Variants in SMC2 observed in about 807,000 individuals in gnomAD.
The protein encoded by SMC2 is structural maintenance of chromosomes protein 2.
In SMC2, 41 loss-of-function variants were observed where a neutral mutation model predicts 142.6. The observed-to-expected ratio is 0.29, with a 90% CI of 0.22 to 0.37. The LOEUF (loss-of-function observed/expected upper bound fraction) is 0.37. Among genes scored for constraint, SMC2 ranks in the 10% least tolerant of loss-of-function variants. The pLI, the probability that SMC2 is intolerant of heterozygous loss-of-function variation, is 1.00. For missense variants in SMC2, 1,265 were observed against 1,373.7 expected (o/e 0.92, Z 1.25); for synonymous variants, 463 against 457.5 (o/e 1.01, Z -0.15).
chr9:104,136,533 A>G (rs1447286954), intron 23 of SMC2, among the ~76,000 whole-genome samples: 1 of 152,044 alleles, frequency 6.6e-6, no homozygotes, highest in Non-Finnish European at 1.5e-5. Context: ...AAGATGCTAT[A>G]AAGTTATTTT....
intron 22 of SMC2, among the ~76,000 whole-genome samples, chr9:104,133,191 T>C (rs1835174131): frequency 1.3e-5 from 2 of 152,174 alleles, no homozygotes; most frequent in Admixed American, 6.6e-5. Flanking sequence ...ATTTCATCTT[T>C]ATATCGATCT....
At chr9:104,120,714 C>A (rs1833640323) in intron 16 of SMC2, among the ~76,000 whole-genome samples, 1 of 152,188 alleles carries the variant, frequency 6.6e-6, no homozygotes. Context: ...TATGTATATA[C>A]TTTCCAACAT....
At chr9:104,098,398 C>T (rs200585797) in intron 3 of SMC2, 48 bp from the exon 4 acceptor site, 2 of 1,483,320 alleles carry the variant, frequency 1.3e-6, no homozygotes, top group African/African-American at 2.9e-5. Context: ...TATCCTAGCA[C>T]AAGGTGTGCA....
intron 8 of SMC2, 93 bp from the exon 9 acceptor site, chr9:104,102,331 T>A: frequency 8.0e-7 from 1 of 1,246,506 alleles, no homozygotes; most frequent in Non-Finnish European, 1.1e-6. Flanking sequence ...TGAAATAACT[T>A]ATAAAAAAGT....
chr9:104,114,855 T>A (rs1832905185), intron 13 of SMC2, 26 bp downstream of exon 13: 1 of 1,577,450 alleles, frequency 6.3e-7, no homozygotes, highest in Non-Finnish European at 8.6e-7. Flanking sequence ...TTTTAAAAAA[T>A]TTAAAATTTG....
chr9:104,094,644 G>T (rs1830247670), intron 1 of SMC2, 167 bp downstream of exon 1: 1 of 374,328 alleles, frequency 2.7e-6, no homozygotes, highest in East Asian at 3.7e-5. Context: ...GTTCGACCTT[G>T]GAGTAGGGCG....
In SMC2 at chr9:104,123,136, A is replaced by G; in HGVS notation, c.2161A>G (p.Met721Val). 5.0e-6 allele frequency: 8 copies of G among 1,612,394 alleles called. No homozygotes were observed. The highest frequency in any genetic ancestry group is 6.8e-6 in the Non-Finnish European group (8 of 1,179,174). ...TCGCCAACTAAAACAGCAGTGGGAG[A>G]TGAAAACTGAAGAGGCAGATTTATT... is the stretch of plus-strand genomic sequence containing the variant. ...KYRQLKQQWEMKTEEADLLQT... is the reference protein window; with the variant it reads ...KYRQLKQQWEVKTEEADLLQT... Residue 721 changes from methionine (M) to valine (V), a missense_variant, in exon 17 of 25, where the codon ATG becomes GTG. Met to Val is a conservative substitution (Grantham distance 21). Around this residue, in one of 4 missense-constraint regions of SMC2, gnomAD observed 898 missense variants for 904.2 expected, o/e 0.99. Coordinates refer to ENST00000374793, the MANE Select transcript of SMC2 (RefSeq NM_006444.3).
rs752456956 is a variant in SMC2, at chr9:104,116,281, T to C, written c.1753T>C (p.Cys585Arg). 1.2e-6 allele frequency: 2 copies of C among 1,609,006 alleles called. No individual in the cohort carries two copies. Among genetic ancestry groups the C allele is most frequent in the Admixed American group, 1.7e-5 (1 of 58,876 alleles). The change falls in exon 14 of 25, where the codon TGT becomes CGT. Residue 585 changes from cysteine (C) to arginine (R), a missense_variant. This residue lies in a region of SMC2 where 898 missense variants were observed against 904.2 expected (regional missense o/e 0.99). Coordinates refer to ENST00000374793, the MANE Select transcript of SMC2 (RefSeq NM_006444.3). ...IIPLNKISAR[C>R]IAPETLRVAQ... ...TCCACTCAATAAAATTTCAGCCAGA[T>C]GTATTGCACCAGAAACTCTGAGAGT... is the stretch of plus-strand genomic sequence containing the variant.
rs1835341611 is a variant in SMC2, at chr9:104,134,609, TTCC to T, written c.3269+37_3269+39del. On this transcript the variant is annotated intron_variant, in intron 23 of 24. Transcript: ENST00000374793. ...TCACTTTGCTATATTATAATTTTCATTCCTCTTTATTATAATTCATCTCCTTAC... is the reference window on the plus strand; with the variant it reads ...TCACTTTGCTATATTATAATTTTCATTCTTTATTATAATTCATCTCCTTAC... 6 of 1,410,364 alleles carry T rather than the reference TTCC, an allele frequency of 4.3e-6. No homozygotes were observed. In the East Asian group the frequency reaches 1.4e-4, roughly 32 times the overall value. The allele number at this position is 1,410,364 out of a possible 1,614,324, so 87.4% of individuals were successfully genotyped here. A position where few individuals can be genotyped will look rare whatever the true frequency, so the allele number is the denominator to read the frequency against.
intron 23 of SMC2, among the ~76,000 whole-genome samples, chr9:104,136,745 CTGTTT>C (rs968902501): frequency 6.9e-6 from 1 of 144,942 alleles, no homozygotes; most frequent in African/African-American, 2.7e-5. Context: ...TTTGATGATA[CTGTTT>C]TATTCTTTTT....
At chr9:104,116,166 A>T in intron 13 of SMC2, 34 bp from the exon 14 acceptor site, 1 of 1,551,350 alleles carries the variant, frequency 6.4e-7, no homozygotes, top group Non-Finnish European at 8.7e-7. Flanking sequence ...GTCATTTTTA[A>T]CATGCGTTTT....
chr9:104,135,122 TGA>T (rs372197726), intron 23 of SMC2, among the ~76,000 whole-genome samples: 13 of 152,058 alleles, frequency 8.5e-5, no homozygotes, highest in African/African-American at 3.1e-4. Flanking sequence ...TAAAAAAAAT[TGA>T]GATACTAAAC....
chr9:104,111,260 T>C (rs181000137), intron 9 of SMC2, among the ~76,000 whole-genome samples: 1 of 152,342 alleles, frequency 6.6e-6, no homozygotes, highest in Admixed American at 6.5e-5. Flanking sequence ...ATGTCTGTTA[T>C]TTCAGTTTTA....
chr9:104,118,990 A>G (rs1833430883), intron 15 of SMC2, among the ~76,000 whole-genome samples: 1 of 152,184 alleles, frequency 6.6e-6, no homozygotes, highest in Non-Finnish European at 1.5e-5. Context: ...GAGTGCTTAA[A>G]TAACGCACTA....
intron 5 of SMC2, 80 bp downstream of exon 5, chr9:104,099,762 A>G (rs1029797248): frequency 1.2e-5 from 11 of 941,488 alleles, no homozygotes; most frequent in Admixed American, 9.2e-5. Flanking sequence ...TAAATATTCT[A>G]TTAAAATTTT....
At chr9:104,091,938 GTT>G (rs1829988158), upstream of SMC2, among the ~76,000 whole-genome samples, 1 of 152,142 alleles carries the variant, frequency 6.6e-6, no homozygotes, top group Non-Finnish European at 1.5e-5. Context: ...GCCCGCTAGC[GTT>G]GAAGCTTTCA....
chr9:104,128,420 G>A (rs966660467), intron 20 of SMC2, among the ~76,000 whole-genome samples: 1 of 152,152 alleles, frequency 6.6e-6, no homozygotes, highest in Non-Finnish European at 1.5e-5. Flanking sequence ...ACTGGCGATT[G>A]CTAGGAGATT....
At chr9:104,093,966 A>T (rs1202551523), upstream of SMC2, among the ~76,000 whole-genome samples, 1 of 152,228 alleles carries the variant, frequency 6.6e-6, no homozygotes, top group Non-Finnish European at 1.5e-5. Context: ...AGCCACAGCC[A>T]GCACCGCAGA....
At chr9:104,090,089 GA>G (rs1393426202), upstream of SMC2, among the ~76,000 whole-genome samples, 1 of 152,158 alleles carries the variant, frequency 6.6e-6, no homozygotes, top group Non-Finnish European at 1.5e-5. Context: ...TGTTCTTCAC[GA>G]AAAGTAAATG....
Sources: gnomAD v4.1 joint callset for allele counts (sites outside exome capture counted in the v4.1 genomes callset) on GRCh38, gnomAD v4.1.1 for gene constraint, gnomAD v4.1.1 regional missense constraint, MANE v1.5 for transcripts, NCBI Gene and HGNC (gene_info 2026-07-23, HGNC 2026-07-21) for gene names.